Variants in PCDHGA4 observed in about 807,000 individuals in gnomAD.
PCDHGA4 encodes protocadherin gamma subfamily A, 4, also known as protocadherin gamma-A4.
Under a neutral mutation model 54.6 loss-of-function variants are expected in PCDHGA4, and 38 were observed. The ratio of observed to expected loss-of-function variants is 0.70; its 90% CI spans 0.54 to 0.91. The LOEUF is 0.91. Among genes scored for constraint, PCDHGA4 ranks in the 40% least tolerant of loss-of-function variants. PCDHGA4 has a pLI of 0.00. For missense variants in PCDHGA4, 1,298 were observed against 1,220.9 expected (o/e 1.06, Z -0.94); for synonymous variants, 511 against 512.9 (o/e 1.00, Z 0.05).
intron 1 of PCDHGA4, chr5:141,428,460 T>G (rs558111052): frequency 2.8e-6 from 1 of 351,434 alleles, no homozygotes; most frequent in African/African-American, 2.1e-5. Context: ...CCAACTACAA[T>G]GAGGGAACTT....
At chr5:141,446,208 G>GAT (rs1387839424) in intron 1 of PCDHGA4, among the ~76,000 whole-genome samples, 1 of 152,156 alleles carries the variant, frequency 6.6e-6, no homozygotes, top group Non-Finnish European at 1.5e-5. Context: ...CTAGGTGTCT[G>GAT]AAAATATTGT....
chr5:141,398,026 C>G, intron 1 of PCDHGA4: 2 of 1,446,724 alleles, frequency 1.4e-6, no homozygotes, highest in Admixed American at 2.6e-5. Context: ...TAAACTGGAA[C>G]TGGAACTAAA....
intron 1 of PCDHGA4, chr5:141,408,732 AT>A (rs1172232848): frequency 6.2e-7 from 1 of 1,610,014 alleles, no homozygotes; most frequent in Non-Finnish European, 8.5e-7. Context: ...TCTAATCCTT[AT>A]TTTTCATTAA....
chr5:141,384,638 G>T (rs1003169745), intron 1 of PCDHGA4: 38 of 1,614,070 alleles, frequency 2.4e-5, no homozygotes, highest in Non-Finnish European at 2.6e-5. Context: ...CTGGCACCCC[G>T]CTCCGCAGAG....
intron 1 of PCDHGA4, chr5:141,405,033 T>C (rs753061273): frequency 6.8e-6 from 11 of 1,613,844 alleles, no homozygotes; most frequent in Admixed American, 1.7e-5. Context: ...CTCTACCTCG[T>C]TGTGGCTGTG....
intron 1 of PCDHGA4, chr5:141,360,206 T>G: frequency 6.2e-7 from 1 of 1,613,114 alleles, no homozygotes; most frequent in Admixed American, 1.7e-5. Context: ...CTGTTGTCTT[T>G]GTTCCCCGGG....
chr5:141,482,546 A>C (rs1489817593), intron 1 of PCDHGA4, among the ~76,000 whole-genome samples: 1 of 151,868 alleles, frequency 6.6e-6, no homozygotes, highest in African/African-American at 2.4e-5. Context: ...AAAAAAAAAA[A>C]AAAGATAATG....
Position 141,356,117 on chromosome 5 carries a change from G to C in PCDHGA4, c.1010G>C (p.Gly337Ala). 6.2e-7 allele frequency: 1 copy of C among 1,613,870 alleles called. No individual in the cohort carries two copies. Among genetic ancestry groups the C allele is most frequent in the Non-Finnish European group, 8.5e-7 (1 of 1,179,870 alleles). ...AGTGGGGATATAACAATATTGGGGG[G>C]TCTAGATTATGAGGACTCTGGATTC... is the stretch of plus-strand genomic sequence containing the variant. ...SLSGDITILG[G>A]LDYEDSGFYD... is the part of the protein sequence containing the mutation. Residue 337 changes from glycine (G) to alanine (A), a missense_variant, in exon 1 of 4, where the codon GGT (glycine) becomes GCT (alanine). Coordinates refer to ENST00000571252, the MANE Select transcript of PCDHGA4 (RefSeq NM_018917.4).
In PCDHGA4 at chr5:141,460,999, G is replaced by GTA. The variant is rs1350972422; in HGVS notation, c.2515-33797_2515-33796dup. Reference sequence around the variant, plus strand: ...TGTGTGTGTGTATATATATATATGTGTATATATATATACCACATTTTCTTT... The same window carrying GTA: ...TGTGTGTGTGTATATATATATATGTGTATATATATATATACCACATTTTCTTT... On this transcript the variant is annotated intron_variant, in intron 1 of 3. Coordinates refer to ENST00000571252, the MANE Select transcript of PCDHGA4 (RefSeq NM_018917.4). Among the ~76,000 whole-genome samples, 54 of 149,566 alleles carry GTA rather than the reference G, an allele frequency of 3.6e-4. No homozygotes were observed. The South Asian group carries it at 4.2e-3, about 12-fold the overall frequency.
chr5:141,365,818 T>A (rs1440466121), intron 1 of PCDHGA4: 1 of 1,613,894 alleles, frequency 6.2e-7, no homozygotes. Context: ...AAGACACATT[T>A]CAGGGGGCGC....
At chr5:141,413,873 G>A (rs544856148) in intron 1 of PCDHGA4, 4 of 1,613,372 alleles carry the variant, frequency 2.5e-6, no homozygotes, top group Admixed American at 1.7e-5. Context: ...GTCCTTGTCA[G>A]TGTGACTGTC....
chr5:141,401,350 A>G (rs1046893336), intron 1 of PCDHGA4, among the ~76,000 whole-genome samples: 2 of 152,226 alleles, frequency 1.3e-5, no homozygotes, highest in Non-Finnish European at 2.9e-5. Flanking sequence ...CTCAAAAAAA[A>G]GGAAGGAGAA....
chr5:141,357,461 C>T lies in PCDHGA4; in HGVS notation c.2354C>T (p.Ser785Phe), dbSNP rs1157643001. The T allele has an allele frequency of 1.9e-6, 3 of 1,614,090 alleles. No homozygotes were observed. In the Admixed American group the frequency reaches 5.0e-5, roughly 27 times the overall value. ...DGVRAFLQTY[S>F]HEVSLTADSR... ...GTTCGGGCTTTCCTGCAGACCTATT[C>T]CCACGAGGTCTCCCTCACCGCGGAC... is the stretch of plus-strand genomic sequence containing the variant. The change falls in exon 1 of 4, where the codon TCC becomes TTC. Residue 785 changes from serine to phenylalanine, a missense_variant. Coordinates refer to ENST00000571252, the MANE Select transcript of PCDHGA4 (RefSeq NM_018917.4).
At position 141,393,784 on chromosome 5, in the gene PCDHGA4, T is replaced by A. The variant is rs1554094164; in HGVS notation, c.2514+36163T>A. 3 of 1,613,864 alleles carry A rather than the reference T, an allele frequency of 1.9e-6. No homozygotes were observed. The South Asian group carries it at 3.3e-5, about 18-fold the overall frequency. ...GAAATGGAAATACAAGCCGAAGATG[T>A]GGGGGCACTTCTGGGGAGGACCAAA... On this transcript the variant is annotated intron_variant, in intron 1 of 3. Coordinates refer to ENST00000571252, the MANE Select transcript of PCDHGA4 (RefSeq NM_018917.4).
At chr5:141,359,901 C>T in intron 1 of PCDHGA4, 1 of 404,924 alleles carries the variant, frequency 2.5e-6, no homozygotes, top group Non-Finnish European at 4.3e-6. Flanking sequence ...TATTGACAAG[C>T]CATTAGTGCA....
In PCDHGA4 at chr5:141,355,283, C is replaced by T; in HGVS notation, c.176C>T (p.Ala59Val). Residue 59 changes from alanine (A) to valine (V), a missense_variant, in exon 1 of 4, where the codon GCC becomes GTC. Transcript: ENST00000571252. Reference sequence around the variant, plus strand: ...CTGGGGGTTCTGGTGGAAATCAGGGCCGAACAGATTCTCTACTCGGTGTTT... The same window carrying T: ...CTGGGGGTTCTGGTGGAAATCAGGGTCGAACAGATTCTCTACTCGGTGTTT... ...LLLGVLVEIR[A>V]EQILYSVFEE... The T allele has an allele frequency of 6.2e-7, 1 of 1,613,722 alleles. No individual in the cohort carries two copies. Among genetic ancestry groups the T allele is most frequent in the East Asian group, 2.2e-5 (1 of 44,870 alleles).
At chr5:141,410,807 T>C in intron 1 of PCDHGA4, 1 of 647,592 alleles carries the variant, frequency 1.5e-6, no homozygotes, top group Non-Finnish European at 2.4e-6. Flanking sequence ...CTCTATCTTT[T>C]TGTAAAATAA....
intron 1 of PCDHGA4, chr5:141,415,073 C>G: frequency 1.9e-6 from 3 of 1,613,434 alleles, no homozygotes; most frequent in Non-Finnish European, 2.5e-6. Flanking sequence ...GTGCGCACGG[C>G]GCGAGCCCTG....
intron 1 of PCDHGA4, chr5:141,423,760 G>GGT: frequency 7.2e-6 from 2 of 279,662 alleles, no homozygotes; most frequent in Non-Finnish European, 1.1e-5. Context: ...TGGGGGGGGG[G>GGT]TGGGGCGGCA....
Sources: allele counts gnomAD v4.1 joint callset (sites outside exome capture counted in the v4.1 genomes callset), GRCh38; gene constraint gnomAD v4.1.1; transcripts MANE v1.5; gene names NCBI Gene and HGNC (gene_info 2026-07-23, HGNC 2026-07-21).